The following MAPK8 variants were observed in gnomAD, a reference collection of about 807,000 sequenced individuals.
MAPK8 encodes JUN N-terminal kinase.
MAPK8 carries 13 observed loss-of-function variants against 52.9 expected under a neutral mutation model. That is an observed-to-expected ratio of 0.25 (90% CI 0.16 to 0.39). The LOEUF is 0.39. MAPK8 is among the 10% of genes least tolerant of loss of function. MAPK8 has a pLI of 1.00. For missense variants in MAPK8, 300 were observed against 519.2 expected (o/e 0.58, Z 4.10); for synonymous variants, 191 against 169.8 (o/e 1.12, Z -0.97).
In MAPK8 at chr10:48,430,833, G is replaced by A. The variant is rs556885166; in HGVS notation, c.1061-360G>A. 5 of 253,100 alleles carry A rather than the reference G, an allele frequency of 2.0e-5. No homozygotes were observed. In the South Asian group the frequency reaches 2.7e-4, roughly 13 times the overall value. 15.7% of individuals were successfully genotyped at this position (253,100 alleles called of 1,614,324 possible). A position where few individuals can be genotyped will look rare whatever the true frequency, so the allele number is the denominator to read the frequency against. ...GAAATGGAAGTCAGTAAGACACGTGGTTCAAGCCCTCCCTGAGACAGATGG... is the reference window on the plus strand; with the variant it reads ...GAAATGGAAGTCAGTAAGACACGTGATTCAAGCCCTCCCTGAGACAGATGG... On this transcript the variant is annotated intron_variant, in intron 10 of 11. Coordinates refer to ENST00000374189, the MANE Select transcript of MAPK8 (RefSeq NM_001323329.2).
At chr10:48,382,740 CA>C (rs955076179) in intron 1 of MAPK8, among the ~76,000 whole-genome samples, 194 of 142,704 alleles carry the variant, frequency 1.4e-3, no homozygotes, top group African/African-American at 4.4e-3. Context: ...CTTTCTTCTA[CA>C]AAAAAAAAAT....
chr10:48,363,283 A>G (rs1156270677), intron 1 of MAPK8, among the ~76,000 whole-genome samples: 1 of 152,206 alleles, frequency 6.6e-6, no homozygotes, highest in African/African-American at 2.4e-5. Flanking sequence ...CCTGGCAGAA[A>G]GGTAACCTCC....
chr10:48,432,767 C>A (rs750246268), intron 11 of MAPK8, among the ~76,000 whole-genome samples: 1 of 152,156 alleles, frequency 6.6e-6, no homozygotes, highest in Non-Finnish European at 1.5e-5. Context: ...TAATTTGAAT[C>A]TTAGTCCAGC....
chr10:48,344,517 G>A (rs1845587278), intron 1 of MAPK8, among the ~76,000 whole-genome samples: 1 of 152,122 alleles, frequency 6.6e-6, no homozygotes, highest in African/African-American at 2.4e-5. Context: ...GAATATTTTG[G>A]TGGTGGCATT....
At chr10:48,324,503 G>GTTTTTTTTTTTTT (rs370766776) in intron 1 of MAPK8, among the ~76,000 whole-genome samples, 1,472 of 117,816 alleles carry the variant, frequency 0.012, 168 homozygotes, top group African/African-American at 0.05. Flanking sequence ...CTGTTTTCTA[G>GTTTTTTTTTTTTT]TTTTTTTTTT....
chr10:48,370,155 A>G (rs1397232177), intron 1 of MAPK8, among the ~76,000 whole-genome samples: 3 of 152,186 alleles, frequency 2.0e-5, no homozygotes, highest in Non-Finnish European at 4.4e-5. Flanking sequence ...GTGAAGCAAA[A>G]GTATGTGGAA....
At chr10:48,344,281 T>C (rs1845564299) in intron 1 of MAPK8, among the ~76,000 whole-genome samples, 1 of 152,250 alleles carries the variant, frequency 6.6e-6, no homozygotes, top group Admixed American at 6.5e-5. Flanking sequence ...CTATATGCAT[T>C]TTTAAACCTG....
intron 5 of MAPK8, among the ~76,000 whole-genome samples, chr10:48,416,695 GA>G (rs2133150278): frequency 6.6e-6 from 1 of 152,218 alleles, no homozygotes; most frequent in Admixed American, 6.5e-5. Flanking sequence ...TTAGAAAACT[GA>G]AAAATGCAGT....
chr10:48,423,952 C>A (rs957675835), intron 6 of MAPK8, 136 bp from the exon 7 acceptor site: 1 of 511,480 alleles, frequency 2.0e-6, no homozygotes, highest in Non-Finnish European at 3.4e-6. Flanking sequence ...TAAATTATTC[C>A]GTTAGCTAAA....
At chr10:48,367,263 G>A (rs1848135611) in intron 1 of MAPK8, among the ~76,000 whole-genome samples, 1 of 152,080 alleles carries the variant, frequency 6.6e-6, no homozygotes, top group Admixed American at 6.6e-5. Context: ...CTATTCAGGA[G>A]GCTGAGATGG....
chr10:48,346,310 T>A (rs1266668234), intron 1 of MAPK8, among the ~76,000 whole-genome samples: 1 of 152,250 alleles, frequency 6.6e-6, no homozygotes, highest in Non-Finnish European at 1.5e-5. Flanking sequence ...CCTCACTCTA[T>A]AATCATAGTC....
chr10:48,325,007 G>C (rs1288709093), intron 1 of MAPK8, among the ~76,000 whole-genome samples: 1 of 150,012 alleles, frequency 6.7e-6, no homozygotes, highest in African/African-American at 2.5e-5. Flanking sequence ...ATGGAGTCTT[G>C]CTCTGTCACC....
At chr10:48,338,076 A>G (rs1844869178) in intron 1 of MAPK8, among the ~76,000 whole-genome samples, 1 of 152,080 alleles carries the variant, frequency 6.6e-6, no homozygotes, top group South Asian at 2.1e-4. Flanking sequence ...AGGTGGAGAG[A>G]TATCCTCCCT....
At chr10:48,360,223 T>C (rs534899317) in intron 1 of MAPK8, among the ~76,000 whole-genome samples, 2 of 152,200 alleles carry the variant, frequency 1.3e-5, no homozygotes, top group Non-Finnish European at 2.9e-5. Flanking sequence ...AGAAAGAGAC[T>C]TCAAAAATAG....
chr10:48,435,555 A>G lies in MAPK8; in HGVS notation c.*526A>G, dbSNP rs1374469070. ...TAGCCAGTTATATTCAGGAATAACT[A>G]CTGTAAATGATGAACGTGTTAGGAG... On this transcript the variant is annotated 3_prime_UTR_variant, in exon 12 of 12. Coordinates refer to ENST00000374189, the MANE Select transcript of MAPK8 (RefSeq NM_001323329.2). The G allele has an allele frequency of 6.6e-6, 1 of 152,258 alleles. No homozygotes were observed. Among genetic ancestry groups the G allele is most frequent in the Non-Finnish European group, 1.5e-5 (1 of 68,070 alleles). The allele number at this position is 152,258 out of a possible 1,614,324, so 9.4% of individuals were successfully genotyped here.
At chr10:48,381,676 T>C (rs897287486) in intron 1 of MAPK8, among the ~76,000 whole-genome samples, 9 of 152,204 alleles carry the variant, frequency 5.9e-5, no homozygotes, top group African/African-American at 1.9e-4. Flanking sequence ...TTTAGCTTTT[T>C]TATACCATGT....
At chr10:48,350,890 C>T (rs1175046489) in intron 1 of MAPK8, among the ~76,000 whole-genome samples, 1 of 152,188 alleles carries the variant, frequency 6.6e-6, no homozygotes, top group African/African-American at 2.4e-5. Context: ...CCCAAAATCT[C>T]CTTAAGCTGA....
chr10:48,379,299 G>A (rs959196230), intron 1 of MAPK8, among the ~76,000 whole-genome samples: 3 of 152,172 alleles, frequency 2.0e-5, no homozygotes, highest in Non-Finnish European at 2.9e-5. Flanking sequence ...AACTTATTAG[G>A]TCAAGTCTTT....
At chr10:48,431,566 A>G (rs771016419) in intron 11 of MAPK8, among the ~76,000 whole-genome samples, 38 of 152,190 alleles carry the variant, frequency 2.5e-4, no homozygotes, top group Admixed American at 7.9e-4. Context: ...TCAAAATTCA[A>G]TATACATACC....
Sources: allele counts gnomAD v4.1 joint callset (sites outside exome capture counted in the v4.1 genomes callset), GRCh38; gene constraint gnomAD v4.1.1; transcripts MANE v1.5; gene names NCBI Gene and HGNC (gene_info 2026-07-23, HGNC 2026-07-21).